The following ZNF670 variants were observed in gnomAD, a reference collection of about 807,000 sequenced individuals.
The protein encoded by ZNF670 is zinc finger protein 670.
ZNF670 carries 7 observed loss-of-function variants against 10.9 expected under a neutral mutation model. That is an observed-to-expected ratio of 0.64 (90% CI 0.36 to 1.20). The LOEUF (loss-of-function observed/expected upper bound fraction) is 1.20. Ranked by LOEUF, ZNF670 falls within the 50% of genes most tolerant of loss-of-function variation. ZNF670 has a pLI of 0.02. For missense variants in ZNF670, 446 were observed against 458.6 expected, an observed-to-expected ratio of 0.97 and a Z score of 0.25; for synonymous variants, 136 against 152.7, an observed-to-expected ratio of 0.89 and a Z score of 0.81.
intron 1 of ZNF670, among the ~76,000 whole-genome samples, chr1:247,068,065 T>A (rs1671031123): frequency 6.6e-6 from 1 of 150,484 alleles, no homozygotes; most frequent in Non-Finnish European, 1.5e-5. Context: ...ACGCCTGTAA[T>A]CCCAGCACTT....
At chr1:247,068,312 C>G (rs1352322634) in intron 1 of ZNF670, among the ~76,000 whole-genome samples, 1 of 55,364 alleles carries the variant, frequency 1.8e-5, no homozygotes, top group East Asian at 2.2e-4. Context: ...GAGTAAGATT[C>G]TGTCTCCAAA....
At position 247,036,549 on chromosome 1, in the gene ZNF670, C is replaced by CT. The variant is rs1670154844; in HGVS notation, c.*899dup. Reference sequence around the variant, plus strand: ...TGGTGGCATGTGTCTGTAGCTCCAGCTACATAGGAGGCTAAGGTGGGAGAA... The same window carrying CT: ...TGGTGGCATGTGTCTGTAGCTCCAGCTTACATAGGAGGCTAAGGTGGGAGAA... On this transcript the variant is annotated 3_prime_UTR_variant, in exon 4 of 4. Coordinates refer to ENST00000366503, the MANE Select transcript of ZNF670 (RefSeq NM_033213.5). 6.6e-6 allele frequency among the ~76,000 whole-genome samples: 1 copy of CT among 152,096 alleles called. No individual in the cohort carries two copies. Among genetic ancestry groups the CT allele is most frequent in the South Asian group, 2.1e-4 (1 of 4,816 alleles).
intron 1 of ZNF670, among the ~76,000 whole-genome samples, chr1:247,042,096 A>C (rs185510016): frequency 1.3e-5 from 2 of 152,334 alleles, no homozygotes; most frequent in East Asian, 3.9e-4. Context: ...ACTCATTCTT[A>C]CTGTATTTCT....
At chr1:247,056,665 G>T (rs530862478) in intron 1 of ZNF670, among the ~76,000 whole-genome samples, 1 of 152,266 alleles carries the variant, frequency 6.6e-6, no homozygotes, top group African/African-American at 2.4e-5. Flanking sequence ...ACTTTGGGAG[G>T]CTGAGGCAGG....
chr1:247,072,802 G>GTATA (rs1671157451), intron 1 of ZNF670, among the ~76,000 whole-genome samples: 2 of 21,798 alleles, frequency 9.2e-5, no homozygotes, highest in Non-Finnish European at 1.6e-4. Flanking sequence ...AAAAAAGTGT[G>GTATA]TGTATATATA....
chr1:247,040,732 G>A (rs1355747250), intron 1 of ZNF670, among the ~76,000 whole-genome samples: 1 of 151,768 alleles, frequency 6.6e-6, no homozygotes, highest in Admixed American at 6.6e-5. Flanking sequence ...TACTCTTGTT[G>A]CCCGGGCTGG....
At chr1:247,043,491 A>G in intron 1 of ZNF670, 1 of 651,824 alleles carries the variant, frequency 1.5e-6, no homozygotes, top group Admixed American at 2.0e-5. Flanking sequence ...GATATTCTCA[A>G]AAATAACAAA....
rs1670115537 is a variant in ZNF670 at position 247,035,053 on chromosome 1, A to G, written c.*2396T>C. 6.6e-6 allele frequency among the ~76,000 whole-genome samples: 1 copy of G among 152,158 alleles called. No homozygotes were observed. Among genetic ancestry groups the G allele is most frequent in the Non-Finnish European group, 1.5e-5 (1 of 68,018 alleles). On this transcript the variant is annotated 3_prime_UTR_variant, in exon 4 of 4. Coordinates refer to ENST00000366503, the MANE Select transcript of ZNF670 (RefSeq NM_033213.5). ...GATAACACAAAGCACTGTGTAGACC[A>G]AAGTGAAAGTCCACCATCAATTGCT...
At chr1:247,045,559 G>A (rs573852660) in intron 1 of ZNF670, among the ~76,000 whole-genome samples, 10 of 152,138 alleles carry the variant, frequency 6.6e-5, no homozygotes, top group South Asian at 6.2e-4. Context: ...AGCAGCTGCC[G>A]GTGCCATGCT....
At chr1:247,072,836 ATATG>A (rs201084643) in intron 1 of ZNF670, among the ~76,000 whole-genome samples, 6,101 of 110,620 alleles carry the variant, frequency 0.055, 572 homozygotes, top group African/African-American at 0.16. Flanking sequence ...ATATATATAT[ATATG>A]CATACACACA....
chr1:247,068,459 A>G lies in ZNF670; in HGVS notation c.3+10135T>C, dbSNP rs555786310. Among the ~76,000 whole-genome samples the G allele has an allele frequency of 4.8e-4, 73 of 150,866 alleles. 2 individuals carry two copies. Among genetic ancestry groups the G allele is most frequent in the African/African-American group, 1.7e-3 (70 of 40,192 alleles). The stretch of plus-strand genomic sequence containing the variant: ...AAATGCAAATCAAAACTACAATAGG[A>G]TATCATCTCACCCCAGTTAAAATGG... On this transcript the variant is annotated intron_variant, in intron 1 of 3. Coordinates refer to ENST00000366503, the MANE Select transcript of ZNF670 (RefSeq NM_033213.5).
Position 247,078,746 on chromosome 1 carries a change from T to G in ZNF670, c.-150A>C. On this transcript the variant is annotated 5_prime_UTR_variant, in exon 1 of 4. Coordinates refer to ENST00000366503, the MANE Select transcript of ZNF670 (RefSeq NM_033213.5). Reference sequence around the variant, plus strand: ...CGCACCGAGCTCGCCACATTCGCGCTGCCCAACACAAAAGCCGCGCCAGGT... The same window carrying G: ...CGCACCGAGCTCGCCACATTCGCGCGGCCCAACACAAAAGCCGCGCCAGGT... 1.0e-5 allele frequency: 8 copies of G among 791,432 alleles called. No individual in the cohort carries two copies. The highest frequency in any genetic ancestry group is 2.8e-5 in the East Asian group (1 of 35,466). 49.0% of individuals were successfully genotyped at this position (791,432 alleles called of 1,614,324 possible).
At position 247,067,836 on chromosome 1, in the gene ZNF670, C is replaced by T. The variant is rs1315419121; in HGVS notation, c.3+10758G>A. Among the ~76,000 whole-genome samples, 16 of 64,262 alleles carry T rather than the reference C, an allele frequency of 2.5e-4. 1 individual carries two copies. The highest frequency in any genetic ancestry group is 7.8e-4 in the African/African-American group (11 of 14,096). 42.2% of individuals were successfully genotyped at this position (64,262 alleles called of 152,430 possible). On this transcript the variant is annotated intron_variant, in intron 1 of 3. Transcript: ENST00000366503. ...CAGCCTGGGCGACAGAGCGAGACTCCGTCTCAAAAAAAAAAAAAAAAAAAA... is the reference window on the plus strand; with the variant it reads ...CAGCCTGGGCGACAGAGCGAGACTCTGTCTCAAAAAAAAAAAAAAAAAAAA...
chr1:247,037,554 A>G lies in ZNF670; in HGVS notation c.1065T>C (p.His355=), dbSNP rs1670187875. The G allele has an allele frequency of 1.2e-6, 2 of 1,614,030 alleles. No individual in the cohort carries two copies. The highest frequency in any genetic ancestry group is 1.7e-6 in the Non-Finnish European group (2 of 1,180,000). ...SFTSSSALRS[H]ERTHTGEKPY... ...GTTTTTCTCCAGTATGAGTCCTTTCATGGCTTCGAAGGGCACTGGAAGAAG... is the reference window on the plus strand; with the variant it reads ...GTTTTTCTCCAGTATGAGTCCTTTCGTGGCTTCGAAGGGCACTGGAAGAAG... Residue 355 remains histidine, a synonymous_variant, in exon 4 of 4, where the codon CAT becomes CAC. Coordinates refer to ENST00000366503, the MANE Select transcript of ZNF670 (RefSeq NM_033213.5).
intron 2 of ZNF670, 65 bp downstream of exon 2, chr1:247,039,346 C>A (rs1670250290): frequency 6.4e-7 from 1 of 1,565,568 alleles, no homozygotes; most frequent in Admixed American, 1.9e-5. Context: ...CAGGTGTGAG[C>A]CACCACGCCC....
intron 1 of ZNF670, among the ~76,000 whole-genome samples, chr1:247,055,436 A>G (rs967257419): frequency 6.6e-6 from 1 of 152,236 alleles, no homozygotes; most frequent in African/African-American, 2.4e-5. Flanking sequence ...TTCCTGGTCC[A>G]TAAAAATCCT....
chr1:247,040,698 T>C (rs1023045409), intron 1 of ZNF670, among the ~76,000 whole-genome samples: 5 of 152,194 alleles, frequency 3.3e-5, no homozygotes, highest in Non-Finnish European at 7.3e-5. Context: ...TTTTTTATTT[T>C]ATTTTTTTGG....
At chr1:247,076,492 G>A (rs1022607057) in intron 1 of ZNF670, among the ~76,000 whole-genome samples, 4 of 151,918 alleles carry the variant, frequency 2.6e-5, no homozygotes, top group Non-Finnish European at 4.4e-5. Context: ...TCCTGACCTC[G>A]TGATCCGCCC....
intron 1 of ZNF670, among the ~76,000 whole-genome samples, chr1:247,074,229 C>G (rs890929523): frequency 2.0e-5 from 3 of 152,082 alleles, no homozygotes; most frequent in Non-Finnish European, 4.4e-5. Flanking sequence ...GAACAAAATA[C>G]TTGCTAACCA....
Sources: gnomAD v4.1 joint callset for allele counts (sites outside exome capture counted in the v4.1 genomes callset) on GRCh38, gnomAD v4.1.1 for gene constraint, MANE v1.5 for transcripts, NCBI Gene and HGNC (gene_info 2026-07-23, HGNC 2026-07-21) for gene names.